IL33: variants seen among roughly 807,000 people sequenced by gnomAD.
IL33 encodes the protein interleukin-33.
In IL33, 37 loss-of-function variants were observed where a neutral mutation model predicts 27.3. That is an observed-to-expected ratio of 1.36 (90% CI 1.04 to 1.78). IL33 has a LOEUF of 1.78. IL33 is among the 40% of genes most tolerant of loss of function. The pLI is 0.00. For synonymous variants in IL33, 132 were observed against 102.9 expected, an observed-to-expected ratio of 1.28 and a Z score of -1.71; for missense variants, 406 against 311.4, an observed-to-expected ratio of 1.30 and a Z score of -2.29.
rs202160657 is a variant in IL33, at chr9:6,250,507, T to C, written c.125T>C (p.Met42Thr). Residue 42 changes from methionine to threonine, a missense_variant, in exon 3 of 8, where the codon ATG becomes ACG. Transcript: ENST00000682010. The stretch of plus-strand genomic sequence containing the variant: ...CAGAAGGCCAAAGAAGTTTGCCCCA[T>C]GTACTTTATGAAGCTCCGCTCTGGC... ...SQQKAKEVCP[M>T]YFMKLRSGLM... 6.2e-7 allele frequency: 1 copy of C among 1,613,928 alleles called. No homozygotes were observed.
chr9:6,227,156 G>C (rs1329198605), intron 1 of IL33, among the ~76,000 whole-genome samples: 1 of 152,178 alleles, frequency 6.6e-6, no homozygotes, highest in Non-Finnish European at 1.5e-5. Flanking sequence ...CCCTTCTGCC[G>C]AGTTTATTTA....
chr9:6,218,539 T>G (rs2130062714), intron 1 of IL33, among the ~76,000 whole-genome samples: 1 of 151,486 alleles, frequency 6.6e-6, no homozygotes, highest in East Asian at 2.0e-4. Context: ...ATCAGGGAAT[T>G]AAATCATTAC....
chr9:6,223,449 G>A (rs556495818), intron 1 of IL33, among the ~76,000 whole-genome samples: 1 of 150,746 alleles, frequency 6.6e-6, no homozygotes, highest in African/African-American at 2.4e-5. Context: ...AAGATTTTCA[G>A]TTTATTTTTT....
At chr9:6,229,721 C>T (rs1228505159) in intron 1 of IL33, among the ~76,000 whole-genome samples, 1 of 152,118 alleles carries the variant, frequency 6.6e-6, no homozygotes, top group African/African-American at 2.4e-5. Context: ...TACTGAGTGC[C>T]TGCTGTGGAT....
rs528986453 is a variant in IL33 at position 6,257,202 on chromosome 9, T to A, written c.*1034T>A. The A allele has an allele frequency of 1.3e-5, 2 of 152,348 alleles. No individual in the cohort carries two copies. The highest frequency in any genetic ancestry group is 3.9e-4 in the East Asian group (2 of 5,186). 9.4% of individuals were successfully genotyped at this position (152,348 alleles called of 1,614,324 possible). On this transcript the variant is annotated 3_prime_UTR_variant, in exon 8 of 8. Transcript: ENST00000682010. ...TCCAGGGACCTATGTCTTTTAATACTCACTGTCACATTGGGCAAAGTTGCT... is the reference window on the plus strand; with the variant it reads ...TCCAGGGACCTATGTCTTTTAATACACACTGTCACATTGGGCAAAGTTGCT...
intron 1 of IL33, among the ~76,000 whole-genome samples, chr9:6,225,478 C>T (rs1451282124): frequency 6.6e-6 from 1 of 152,126 alleles, no homozygotes; most frequent in Non-Finnish European, 1.5e-5. Flanking sequence ...TTGGGGAAGA[C>T]CCTCCGCCGG....
chr9:6,251,205 G>C lies in IL33; in HGVS notation c.283G>C (p.Ala95Pro). The C allele has an allele frequency of 6.2e-7, 1 of 1,613,992 alleles. No homozygotes were observed. Among genetic ancestry groups the C allele is most frequent in the Non-Finnish European group, 8.5e-7 (1 of 1,179,902 alleles). Reference protein sequence around the residue: ...CQQQSTVECFAFGISGVQKYT... With the variant: ...CQQQSTVECFPFGISGVQKYT... ...ACAGCAGTCTACTGTGGAGTGCTTT[G>C]CCTTTGGTATATCAGGGGTCCAGAA... Residue 95 changes from alanine (A) to proline (P), a missense_variant, in exon 4 of 8, where the codon GCC becomes CCC. Coordinates refer to ENST00000682010, the MANE Select transcript of IL33 (RefSeq NM_033439.4).
intron 1 of IL33, among the ~76,000 whole-genome samples, chr9:6,232,598 A>T (rs1000744843): frequency 4.6e-5 from 7 of 152,064 alleles, no homozygotes; most frequent in African/African-American, 1.7e-4. Context: ...GTGATGCCAT[A>T]TTCTTAAAAC....
intron 1 of IL33, among the ~76,000 whole-genome samples, chr9:6,224,473 A>G (rs189192619): frequency 1.3e-5 from 2 of 152,316 alleles, no homozygotes; most frequent in African/African-American, 4.8e-5. Flanking sequence ...ACAGCAAATC[A>G]GCTGATAGGA....
rs73639589 is a variant in IL33, at chr9:6,256,300, T to C, written c.*132T>C. 3,875 of 629,362 alleles carry C rather than the reference T, an allele frequency of 6.2e-3. 123 individuals carry two copies. The highest frequency in any genetic ancestry group is 0.062 in the African/African-American group (3,347 of 54,416). The allele number at this position is 629,362 out of a possible 1,614,324, so 39.0% of individuals were successfully genotyped here. A position where few individuals can be genotyped will look rare whatever the true frequency, so the allele number is the denominator to read the frequency against. ...CTTAGCATGTGTGGAATGTTTTCCATATTATGTATAAAAATATTTTTTCTA... is the reference window on the plus strand; with the variant it reads ...CTTAGCATGTGTGGAATGTTTTCCACATTATGTATAAAAATATTTTTTCTA... On this transcript the variant is annotated 3_prime_UTR_variant, in exon 8 of 8. Coordinates refer to ENST00000682010, the MANE Select transcript of IL33 (RefSeq NM_033439.4).
chr9:6,221,997 G>A (rs2130100924), intron 1 of IL33, among the ~76,000 whole-genome samples: 1 of 152,230 alleles, frequency 6.6e-6, no homozygotes, highest in Non-Finnish European at 1.5e-5. Flanking sequence ...CAGCAATTTG[G>A]GGAATAGCTG....
At chr9:6,221,980 A>G (rs981582148) in intron 1 of IL33, among the ~76,000 whole-genome samples, 3 of 152,214 alleles carry the variant, frequency 2.0e-5, no homozygotes, top group Non-Finnish European at 4.4e-5. Context: ...CAGAGAAATA[A>G]TGAAGTCAGC....
At position 6,254,457 on chromosome 9, in the gene IL33, G is replaced by A; in HGVS notation, c.521-5G>A. On this transcript the variant is annotated splice_region_variant and splice_polypyrimidine_tract_variant and intron_variant, in intron 6 of 7. Transcript: ENST00000682010. ...CTTTATCATTTATACTTTCTTAATT[G>A]TAAGGTGACGGTGTTGATGGTAAGA... 4.5e-6 allele frequency: 7 copies of A among 1,551,792 alleles called. No homozygotes were observed. Among genetic ancestry groups the A allele is most frequent in the Non-Finnish European group, 6.1e-6 (7 of 1,142,214 alleles).
At chr9:6,243,527 G>A (rs1819653868) in intron 2 of IL33, among the ~76,000 whole-genome samples, 1 of 152,032 alleles carries the variant, frequency 6.6e-6, no homozygotes, top group Non-Finnish European at 1.5e-5. Flanking sequence ...CTAATTTTTT[G>A]TATTTTTAGT....
In IL33 at chr9:6,251,253, T is replaced by A. The variant is rs763063119; in HGVS notation, c.331T>A (p.Ser111Thr). The change falls in exon 4 of 8, where the codon TCA becomes ACA. Residue 111 changes from serine to threonine, a missense_variant. Physicochemically the swap from Ser to Thr is moderately conservative, Grantham distance 58. Transcript: ENST00000682010. ...VQKYTRALHD[S>T]SITGISPITE... ...GAAATATACTAGAGCACTTCATGAT[T>A]CAAGTATCACAGGTATGACTGGTTA... 2.2e-5 allele frequency: 36 copies of A among 1,613,420 alleles called. No individual in the cohort carries two copies. The highest frequency in any genetic ancestry group is 2.9e-5 in the Non-Finnish European group (34 of 1,179,600).
chr9:6,253,679 T>C (rs914573037), intron 6 of IL33, 77 bp downstream of exon 6: 16 of 1,169,494 alleles, frequency 1.4e-5, no homozygotes, highest in Admixed American at 4.2e-5. Flanking sequence ...AAAATCCTTT[T>C]TGCCCCATAG....
intron 7 of IL33, among the ~76,000 whole-genome samples, chr9:6,254,937 G>A (rs1019107481): frequency 1.3e-5 from 2 of 152,058 alleles, no homozygotes; most frequent in Non-Finnish European, 2.9e-5. Context: ...AATCCTTTCT[G>A]TTTGGCTTTA....
intron 1 of IL33, among the ~76,000 whole-genome samples, chr9:6,224,570 T>C (rs910567683): frequency 6.6e-6 from 1 of 152,204 alleles, no homozygotes; most frequent in Admixed American, 6.5e-5. Flanking sequence ...CTGGGTACTA[T>C]TCCCAGAATC....
At chr9:6,236,705 A>G (rs1356526654) in intron 1 of IL33, among the ~76,000 whole-genome samples, 1 of 79,648 alleles carries the variant, frequency 1.3e-5, no homozygotes, top group East Asian at 2.8e-4. Flanking sequence ...CCATCTCTAT[A>G]AAAATACAAA....
Sources: allele counts gnomAD v4.1 joint callset (sites outside exome capture counted in the v4.1 genomes callset), GRCh38; gene constraint gnomAD v4.1.1; transcripts MANE v1.5; gene names NCBI Gene and HGNC (gene_info 2026-07-23, HGNC 2026-07-21).